The following MBP variants were observed in gnomAD, a reference collection of about 807,000 sequenced individuals.
MBP encodes myelin basic protein.
Under a neutral mutation model 35.8 loss-of-function variants are expected in MBP, and 16 were observed. The ratio of observed to expected loss-of-function variants is 0.45; its 90% confidence interval spans 0.30 to 0.68. The LOEUF is 0.68. MBP is among the 30% of genes least tolerant of loss of function. The pLI, the probability that MBP is intolerant of heterozygous loss-of-function variation, is 0.08. For synonymous variants in MBP, 143 were observed against 159.6 expected, an observed-to-expected ratio of 0.90 and a Z score of 0.78; for missense variants, 380 against 404.7, an observed-to-expected ratio of 0.94 and a Z score of 0.52.
intron 2 of MBP, chr18:77,067,715 C>T: frequency 2.3e-6 from 1 of 441,368 alleles, no homozygotes; most frequent in Non-Finnish European, 4.6e-6. Context: ...CAGCGCCCCA[C>T]CCTGGTCTCT....
chr18:77,089,739 T>C (rs1005224948), intron 2 of MBP, among the ~76,000 whole-genome samples: 1 of 152,240 alleles, frequency 6.6e-6, no homozygotes, highest in Admixed American at 6.5e-5. Flanking sequence ...CTTTTACGAA[T>C]ATTTTCTTCT....
At chr18:77,005,562 T>C (rs1970913751) in intron 4 of MBP, 2 of 152,228 alleles carry the variant, frequency 1.3e-5, no homozygotes. Context: ...AGAGTGAAGT[T>C]CTAGTCCAGC....
At chr18:77,087,163 G>C (rs1213003018) in intron 2 of MBP, among the ~76,000 whole-genome samples, 2 of 152,102 alleles carry the variant, frequency 1.3e-5, no homozygotes, top group African/African-American at 2.4e-5. Flanking sequence ...CGGAAAGAGG[G>C]AGGGACTCCT....
chr18:77,024,505 C>G (rs991940737), intron 3 of MBP, among the ~76,000 whole-genome samples: 1 of 152,238 alleles, frequency 6.6e-6, no homozygotes, highest in African/African-American at 2.4e-5. Context: ...TCTGCTTTAT[C>G]CTTTCCTAAA....
chr18:77,045,338 G>A (rs965504768), intron 3 of MBP, among the ~76,000 whole-genome samples: 3 of 152,190 alleles, frequency 2.0e-5, no homozygotes, highest in African/African-American at 7.2e-5. Context: ...CCGGCTGCCA[G>A]TAAAGACACT....
intron 1 of MBP, among the ~76,000 whole-genome samples, chr18:77,129,274 T>C (rs1236276630): frequency 1.3e-5 from 2 of 152,230 alleles, no homozygotes; most frequent in African/African-American, 4.8e-5. Context: ...ACATTCGGAA[T>C]GACATTTTTA....
At chr18:76,997,809 A>T (rs377029547) in intron 4 of MBP, among the ~76,000 whole-genome samples, 1 of 151,028 alleles carries the variant, frequency 6.6e-6, no homozygotes, top group Admixed American at 6.6e-5. Context: ...CAACCTCCCG[A>T]GTAGCTGGGA....
chr18:77,019,764 G>A lies in MBP; in HGVS notation c.140-2496C>T, dbSNP rs12960504. Among the ~76,000 whole-genome samples, 772 of 152,318 alleles carry A rather than the reference G, an allele frequency of 5.1e-3. 3 individuals carry two copies. Among genetic ancestry groups the A allele is most frequent in the Middle Eastern group, 0.014 (4 of 294 alleles). ...GACAAGATGAGAGTCTGGGCCCTGC[G>A]AGGACTTGGGGAAGTTGGGGAGGGT... On this transcript the variant is annotated intron_variant, in intron 3 of 8. Coordinates refer to ENST00000355994, the MANE Select transcript of MBP (RefSeq NM_001025101.2).
At chr18:77,097,968 G>A (rs1975831911) in intron 2 of MBP, among the ~76,000 whole-genome samples, 3 of 152,044 alleles carry the variant, frequency 2.0e-5, no homozygotes, top group Non-Finnish European at 4.4e-5. Context: ...CCTGGGAAGT[G>A]GGGAAGGACA....
At chr18:77,127,948 T>C (rs1977111219) in intron 1 of MBP, 2 of 152,004 alleles carry the variant, frequency 1.3e-5, no homozygotes, top group South Asian at 4.1e-4. Context: ...GAATGCAAAA[T>C]GGTGTAGCCA....
chr18:77,064,070 T>C (rs1036481903), intron 3 of MBP, among the ~76,000 whole-genome samples: 1 of 152,252 alleles, frequency 6.6e-6, no homozygotes, highest in African/African-American at 2.4e-5. Flanking sequence ...CTTTTATTTA[T>C]GTGTAAAACC....
At chr18:77,070,760 A>G (rs1974407939) in intron 2 of MBP, among the ~76,000 whole-genome samples, 1 of 152,130 alleles carries the variant, frequency 6.6e-6, no homozygotes, top group Non-Finnish European at 1.5e-5. Flanking sequence ...CTCTCCCGCC[A>G]CTGAATTGTG....
chr18:77,014,045 C>G, intron 4 of MBP: 10 of 985,442 alleles, frequency 1.0e-5, no homozygotes, highest in Non-Finnish European at 1.2e-5. Flanking sequence ...CCCTGACATT[C>G]CGGGGAACTG....
chr18:77,128,949 T>C (rs1300414790), intron 1 of MBP, among the ~76,000 whole-genome samples: 1 of 152,240 alleles, frequency 6.6e-6, no homozygotes, highest in Non-Finnish European at 1.5e-5. Flanking sequence ...ATATTTGGTA[T>C]AGTCACAATT....
chr18:77,029,684 A>C (rs1372898440), intron 3 of MBP, among the ~76,000 whole-genome samples: 2 of 152,128 alleles, frequency 1.3e-5, no homozygotes, highest in African/African-American at 4.8e-5. Flanking sequence ...TTGGCTTTAA[A>C]AGTAGTATGT....
intron 2 of MBP, among the ~76,000 whole-genome samples, chr18:77,068,250 C>T (rs957801410): frequency 1.8e-4 from 27 of 152,310 alleles, no homozygotes; most frequent in African/African-American, 4.8e-4. Context: ...TAAGAGGACA[C>T]TGGTTTGGAC....
chr18:76,992,634 C>T (rs1448937120), intron 4 of MBP, among the ~76,000 whole-genome samples: 3 of 152,224 alleles, frequency 2.0e-5, no homozygotes, highest in Non-Finnish European at 2.9e-5. Context: ...ACCTTCCCAG[C>T]ATTCAGCACC....
At chr18:77,024,296 G>A (rs1417886148) in intron 3 of MBP, among the ~76,000 whole-genome samples, 2 of 149,824 alleles carry the variant, frequency 1.3e-5, no homozygotes, top group Non-Finnish European at 2.9e-5. Flanking sequence ...TATTTTATGT[G>A]TGACCCAAGA....
At chr18:77,016,760 C>CA (rs1971664085) in intron 4 of MBP, 72 bp downstream of exon 4, 2 of 1,564,590 alleles carry the variant, frequency 1.3e-6, no homozygotes, top group East Asian at 4.5e-5. Context: ...CCTCTAATGG[C>CA]TGAGTTCACC....
Sources: allele counts gnomAD v4.1 joint callset (sites outside exome capture counted in the v4.1 genomes callset), GRCh38; gene constraint gnomAD v4.1.1; transcripts MANE v1.5; gene names NCBI Gene and HGNC (gene_info 2026-07-23, HGNC 2026-07-21).